Variants in PRIM2 observed in about 807,000 individuals in gnomAD.
PRIM2 encodes the protein DNA primase subunit 2, also known as DNA primase large subunit.
A neutral mutation model predicts 67.3 loss-of-function variants in PRIM2; 39 were observed. The observed-to-expected ratio is 0.58, with a 90% confidence interval of 0.45 to 0.76. PRIM2 has a LOEUF of 0.76. PRIM2 is among the 30% of genes least tolerant of loss of function. PRIM2 has a pLI of 0.00. For missense variants in PRIM2, 398 were observed against 598.7 expected, an observed-to-expected ratio of 0.66 and a Z score of 3.50; for synonymous variants, 143 against 198.7, an observed-to-expected ratio of 0.72 and a Z score of 2.36.
chr6:57,550,081 G>A (rs1179071323), intron 10 of PRIM2, among the ~76,000 whole-genome samples: 7 of 151,976 alleles, frequency 4.6e-5, no homozygotes, highest in South Asian at 2.1e-4. Flanking sequence ...GCGAAACTCC[G>A]TGTCCCCCCT....
intron 5 of PRIM2, among the ~76,000 whole-genome samples, chr6:57,354,056 G>A (rs2208347): frequency 2.6e-5 from 4 of 151,984 alleles, no homozygotes; most frequent in Non-Finnish European, 5.9e-5. Flanking sequence ...CTCTTTCTTC[G>A]TTTCACAAAG....
intron 11 of PRIM2, among the ~76,000 whole-genome samples, chr6:57,601,495 C>G (rs1321158321): frequency 6.6e-6 from 1 of 152,218 alleles, no homozygotes; most frequent in Non-Finnish European, 1.5e-5. Context: ...TTCTCTGTCT[C>G]CCTCATCTTC....
At chr6:57,405,122 G>T in intron 7 of PRIM2, among the ~76,000 whole-genome samples, 1 of 151,406 alleles carries the variant, frequency 6.6e-6, no homozygotes, top group South Asian at 2.1e-4. Flanking sequence ...AGATTCAGTT[G>T]CTAGGAAACA....
chr6:57,255,212 C>T, the PRIM2 span, among the ~76,000 whole-genome samples: 1 of 152,028 alleles, frequency 6.6e-6, no homozygotes, highest in African/African-American at 2.4e-5. Context: ...AATTACTCTC[C>T]ATTGGGCCGG....
intron 8 of PRIM2, among the ~76,000 whole-genome samples, chr6:57,524,613 A>C (rs1330061058): frequency 2.0e-5 from 3 of 152,146 alleles, no homozygotes; most frequent in African/African-American, 7.2e-5. Flanking sequence ...AGGCAGGAGA[A>C]TCACTTGAAC....
At chr6:57,391,285 T>C (rs1205204349) in intron 7 of PRIM2, among the ~76,000 whole-genome samples, 1 of 148,492 alleles carries the variant, frequency 6.7e-6, no homozygotes, top group African/African-American at 2.5e-5. Context: ...TATTAGACCT[T>C]TGTCAGATGC....
intron 7 of PRIM2, among the ~76,000 whole-genome samples, chr6:57,475,672 A>G (rs1220756176): frequency 6.6e-6 from 1 of 152,182 alleles, no homozygotes; most frequent in Non-Finnish European, 1.5e-5. Context: ...CCTCACTAAT[A>G]CAGGACATAA....
rs547108599 is a variant in PRIM2, at chr6:57,410,514, T to G, written c.693+28346T>G. On this transcript the variant is annotated intron_variant, in intron 7 of 13. Transcript: ENST00000615550. ...ATCACTCTGTCTTGATTATTGTAGC[T>G]TTATAATAAGTTTTGAAATTAGGTA... Among the ~76,000 whole-genome samples, 62 of 152,258 alleles carry G rather than the reference T, an allele frequency of 4.1e-4. 1 individual carries two copies. Among genetic ancestry groups the G allele is most frequent in the African/African-American group, 1.3e-3 (55 of 41,548 alleles).
At chr6:57,596,010 A>G (rs1388085878) in intron 10 of PRIM2, among the ~76,000 whole-genome samples, 1 of 152,058 alleles carries the variant, frequency 6.6e-6, no homozygotes, top group South Asian at 2.1e-4. Context: ...CCTCATTAGA[A>G]CAAAAGACAT....
chr6:57,631,382 G>GA (rs1432837492), intron 12 of PRIM2, among the ~76,000 whole-genome samples: 3 of 152,116 alleles, frequency 2.0e-5, no homozygotes, highest in African/African-American at 7.2e-5. Context: ...GGGAGGCAAT[G>GA]AAACTTTACA....
At chr6:57,365,293 T>C (rs1769320744) in intron 5 of PRIM2, among the ~76,000 whole-genome samples, 1 of 150,954 alleles carries the variant, frequency 6.6e-6, no homozygotes, top group East Asian at 1.9e-4. Context: ...CTTCTTGGTA[T>C]TTCCTTTCTA....
At chr6:57,336,600 A>C (rs1490855586) in intron 5 of PRIM2, among the ~76,000 whole-genome samples, 1 of 152,030 alleles carries the variant, frequency 6.6e-6, no homozygotes, top group Non-Finnish European at 1.5e-5. Flanking sequence ...TTTCATATCC[A>C]GCCAAACTAA....
At chr6:57,484,581 C>G (rs1425018165) in intron 7 of PRIM2, among the ~76,000 whole-genome samples, 1 of 152,082 alleles carries the variant, frequency 6.6e-6, no homozygotes, top group African/African-American at 2.4e-5. Flanking sequence ...TTTCTTTGTT[C>G]TTTTTTAGCC....
intron 7 of PRIM2, among the ~76,000 whole-genome samples, chr6:57,390,749 A>G (rs1056530620): frequency 3.3e-5 from 5 of 152,174 alleles, no homozygotes; most frequent in Non-Finnish European, 7.4e-5. Context: ...GTATTCCATA[A>G]TGTATGTGTA....
intron 12 of PRIM2, among the ~76,000 whole-genome samples, chr6:57,612,719 T>A (rs1338880545): frequency 1.3e-5 from 2 of 151,884 alleles, no homozygotes; most frequent in African/African-American, 4.8e-5. Flanking sequence ...AAAAACTTAG[T>A]CCCTGAGTAA....
At chr6:57,430,447 GTTTTTTTTTT>G (rs71687266) in intron 7 of PRIM2, among the ~76,000 whole-genome samples, 9,245 of 78,672 alleles carry the variant, frequency 0.12, 1,089 homozygotes, top group African/African-American at 0.35. Context: ...TTCTTTCTTT[GTTTTTTTTTT>G]TTTTTTTTTT....
chr6:57,465,282 C>A (rs936519262), intron 7 of PRIM2, among the ~76,000 whole-genome samples: 1 of 152,034 alleles, frequency 6.6e-6, no homozygotes, highest in East Asian at 1.9e-4. Context: ...AGGGTATGGG[C>A]GTATGATGCA....
At chr6:57,446,433 T>TTTTTTTTTTTTA (rs1772369420) in intron 7 of PRIM2, among the ~76,000 whole-genome samples, 1 of 143,322 alleles carries the variant, frequency 7.0e-6, no homozygotes, top group African/African-American at 2.6e-5. Context: ...TTTTTTTTTT[T>TTTTTTTTTTTTA]GAGACAGTCT....
intron 7 of PRIM2, chr6:57,497,565 C>G (rs1774032271): frequency 6.6e-6 from 1 of 152,180 alleles, no homozygotes; most frequent in Non-Finnish European, 1.5e-5. Context: ...ATCTTGTTAA[C>G]TCTGCACTGT....
Sources: allele counts gnomAD v4.1 joint callset (sites outside exome capture counted in the v4.1 genomes callset), GRCh38; gene constraint gnomAD v4.1.1; transcripts MANE v1.5; gene names NCBI Gene and HGNC (gene_info 2026-07-23, HGNC 2026-07-21).